FAM217B: variants seen among roughly 807,000 people sequenced by gnomAD.
The protein encoded by FAM217B is family with sequence similarity 217 member B.
For synonymous variants in FAM217B, 163 were observed against 173.0 expected, an observed-to-expected ratio of 0.94 and a Z score of 0.45; for missense variants, 463 against 456.9, an observed-to-expected ratio of 1.01 and a Z score of -0.12.
intron 1 of FAM217B, among the ~76,000 whole-genome samples, chr20:59,941,504 G>T (rs2145949561): frequency 6.6e-6 from 1 of 152,310 alleles, no homozygotes; most frequent in African/African-American, 2.4e-5. Context: ...AGAGACAGGT[G>T]ATACGGGAAA....
rs781041805 is a variant in FAM217B, at chr20:59,944,798, C to A, written c.855C>A (p.Thr285=). ...GGTRFCSQRQ[T]LEMRTEEKKK... ...CCAGGTTTTGTTCTCAGAGGCAAAC[C>A]CTTGAAATGAGGACAGAAGAAAAGA... Residue 285 remains threonine, a synonymous_variant, in exon 4 of 4, where the codon ACC becomes ACA. Coordinates refer to ENST00000360816, the MANE Select transcript of FAM217B (RefSeq NM_022106.3). 1.2e-6 allele frequency: 2 copies of A among 1,614,124 alleles called. No homozygotes were observed. Among genetic ancestry groups the A allele is most frequent in the Non-Finnish European group, 1.7e-6 (2 of 1,180,034 alleles).
intron 1 of FAM217B, among the ~76,000 whole-genome samples, chr20:59,934,378 C>A (rs1302629353): frequency 6.6e-6 from 1 of 152,206 alleles, no homozygotes; most frequent in East Asian, 1.9e-4. Flanking sequence ...CAGGCACAGC[C>A]GCGAAAGGGT....
chr20:59,934,925 T>C (rs750641360), intron 1 of FAM217B, among the ~76,000 whole-genome samples: 14 of 152,216 alleles, frequency 9.2e-5, no homozygotes, highest in Non-Finnish European at 1.3e-4. Flanking sequence ...AATTACCAAC[T>C]TCTTGACAAC....
chr20:59,939,783 G>C, upstream of FAM217B: 1 of 1,224,984 alleles, frequency 8.2e-7, no homozygotes, highest in Non-Finnish European at 1.0e-6. Context: ...TGGCGGCGGC[G>C]CGCGGCCCGG....
At chr20:59,941,912 GGAGA>G (rs149313847) in intron 1 of FAM217B, among the ~76,000 whole-genome samples, 18 of 151,392 alleles carry the variant, frequency 1.2e-4, no homozygotes, top group African/African-American at 4.1e-4. Context: ...GTGTGAACAG[GGAGA>G]GAGAGAGAGA....
At chr20:59,936,246 C>A (rs1039914509), upstream of FAM217B, among the ~76,000 whole-genome samples, 1 of 152,058 alleles carries the variant, frequency 6.6e-6, no homozygotes, top group East Asian at 1.9e-4. Flanking sequence ...ATACAGTTAC[C>A]CTGTTGAGTG....
At chr20:59,934,457 C>T (rs1472344075) in intron 1 of FAM217B, among the ~76,000 whole-genome samples, 1 of 152,188 alleles carries the variant, frequency 6.6e-6, no homozygotes, top group East Asian at 1.9e-4. Context: ...TTTCCCCGTG[C>T]TCGCGTTCTG....
rs1320054255 is a variant in FAM217B at position 59,940,411 on chromosome 20, G to A, written c.-327G>A. On this transcript the variant is annotated 5_prime_UTR_variant, in exon 1 of 4. Transcript: ENST00000360816. Reference sequence around the variant, plus strand: ...CTCAGCTCAGCCAGGGAGCTCAGCGGAGCTGCGCGCCTCCGCCTCCAGCTC... The same window carrying A: ...CTCAGCTCAGCCAGGGAGCTCAGCGAAGCTGCGCGCCTCCGCCTCCAGCTC... 1 of 152,350 alleles carries A rather than the reference G, an allele frequency of 6.6e-6. No homozygotes were observed. The highest frequency in any genetic ancestry group is 1.9e-4 in the East Asian group (1 of 5,168). The allele number at this position is 152,350 out of a possible 1,614,324, so 9.4% of individuals were successfully genotyped here.
upstream of FAM217B, chr20:59,940,043 C>T: frequency 1.1e-6 from 1 of 938,496 alleles, no homozygotes. Flanking sequence ...CTGCAACCTG[C>T]GGGGGACCTC....
chr20:59,948,214 G>A lies in FAM217B; in HGVS notation c.*3119G>A, dbSNP rs2060948863. On this transcript the variant is annotated 3_prime_UTR_variant, in exon 4 of 4. Transcript: ENST00000360816. The stretch of plus-strand genomic sequence containing the variant: ...TTCTTAGATGACTAAATGGGCTGAA[G>A]ACTTGTAACTAACTTGAATAGGATA... 6.0e-6 allele frequency: 1 copy of A among 166,986 alleles called. No homozygotes were observed. The highest frequency in any genetic ancestry group is 2.4e-5 in the African/African-American group (1 of 41,424). 10.3% of individuals were successfully genotyped at this position (166,986 alleles called of 1,614,324 possible).
upstream of FAM217B, chr20:59,937,669 T>TG (rs1324363106): frequency 6.8e-6 from 1 of 145,996 alleles, no homozygotes; most frequent in African/African-American, 2.8e-5. Context: ...CCTGGCTGTT[T>TG]TTTTTTTTTT....
At chr20:59,934,078 ACCCGCGGCTCCAGCCAG>A (rs2060834204) in intron 1 of FAM217B, among the ~76,000 whole-genome samples, 1 of 151,982 alleles carries the variant, frequency 6.6e-6, no homozygotes, top group Admixed American at 6.5e-5. Flanking sequence ...AGCCACTGGG[ACCCGCGGCTCCAGCCAG>A]CCCTGCAGGG....
upstream of FAM217B, chr20:59,940,202 G>A: frequency 2.9e-6 from 1 of 346,308 alleles, no homozygotes; most frequent in Non-Finnish European, 5.4e-6. Flanking sequence ...GCGCAGGGTA[G>A]CGCCTCTTTT....
rs538303616 is a variant in FAM217B at position 59,945,675 on chromosome 20, G to A, written c.*580G>A. 1 of 166,904 alleles carries A rather than the reference G, an allele frequency of 6.0e-6. No individual in the cohort carries two copies. The highest frequency in any genetic ancestry group is 2.4e-5 in the African/African-American group (1 of 41,456). 10.3% of individuals were successfully genotyped at this position (166,904 alleles called of 1,614,324 possible). A position where few individuals can be genotyped will look rare whatever the true frequency, so the allele number is the denominator to read the frequency against. The stretch of plus-strand genomic sequence containing the variant: ...TTGAGTAGTCATTTCTCACTAAGCT[G>A]GTTGCTTTCTAGAGAGACAGTGGAA... On this transcript the variant is annotated 3_prime_UTR_variant, in exon 4 of 4. Transcript: ENST00000360816.
chr20:59,944,800 T>C lies in FAM217B; in HGVS notation c.857T>C (p.Leu286Pro). 6.2e-7 allele frequency: 1 copy of C among 1,614,148 alleles called. No homozygotes were observed. Among genetic ancestry groups the C allele is most frequent in the South Asian group, 1.1e-5 (1 of 91,074 alleles). The change falls in exon 4 of 4, where the codon CTT (leucine) becomes CCT (proline). Residue 286 changes from leucine to proline, a missense_variant. Transcript: ENST00000360816. ...GTRFCSQRQTLEMRTEEKKKK... is the reference protein window; with the variant it reads ...GTRFCSQRQTPEMRTEEKKKK... ...AGGTTTTGTTCTCAGAGGCAAACCCTTGAAATGAGGACAGAAGAAAAGAAA... is the reference window on the plus strand; with the variant it reads ...AGGTTTTGTTCTCAGAGGCAAACCCCTGAAATGAGGACAGAAGAAAAGAAA...
chr20:59,943,869 T>C (rs2060919186), intron 3 of FAM217B, 71 bp from the exon 4 acceptor site: 2 of 1,299,422 alleles, frequency 1.5e-6, no homozygotes, highest in African/African-American at 1.5e-5. Context: ...AAGATTCTTT[T>C]TGTTTGTTTA....
upstream of FAM217B, chr20:59,939,450 G>A (rs1420305509): frequency 6.2e-7 from 1 of 1,611,756 alleles, no homozygotes; most frequent in Admixed American, 1.7e-5. Context: ...CTCGACGGGC[G>A]GCGGGAAATC....
At position 59,944,119 on chromosome 20, in the gene FAM217B, A is replaced by G. The variant is rs114986517; in HGVS notation, c.176A>G (p.Lys59Arg). 623 of 1,614,154 alleles carry G rather than the reference A, an allele frequency of 3.9e-4. 2 individuals are homozygous for G. In the African/African-American group the frequency reaches 6.8e-3, roughly 18 times the overall value. The stretch of plus-strand genomic sequence containing the variant: ...AGCATTTCCCCGGAAGCAAGACGCA[A>G]AAGGAATCCACTCGGTTCCAGGTGT... Reference protein sequence around the residue: ...KESISPEARRKRNPLGSRCQG... With the variant: ...KESISPEARRRRNPLGSRCQG... The change falls in exon 4 of 4, where the codon AAA (lysine) becomes AGA (arginine). Residue 59 changes from lysine (K) to arginine (R), a missense_variant. By Grantham distance (26) the Lys-to-Arg change is conservative (BLOSUM62 2). Transcript: ENST00000360816.
upstream of FAM217B, chr20:59,939,347 C>T: frequency 6.2e-7 from 1 of 1,611,160 alleles, no homozygotes; most frequent in East Asian, 2.2e-5. Flanking sequence ...CCACGTTGCA[C>T]ACGCGCACCG....
Sources: allele counts gnomAD v4.1 joint callset (sites outside exome capture counted in the v4.1 genomes callset), GRCh38; gene constraint gnomAD v4.1.1; transcripts MANE v1.5; gene names NCBI Gene and HGNC (gene_info 2026-07-23, HGNC 2026-07-21).